Variants in UBXN2B observed in about 807,000 individuals in gnomAD.
The protein encoded by UBXN2B is UBX domain-containing protein 2B.
A neutral mutation model predicts 37.5 loss-of-function variants in UBXN2B; 19 were observed. The ratio of observed to expected loss-of-function variants is 0.51; its 90% CI spans 0.35 to 0.74. The LOEUF (loss-of-function observed/expected upper bound fraction) is 0.74. Among genes scored for constraint, UBXN2B ranks in the 30% least tolerant of loss-of-function variants. The pLI is 0.01. For synonymous variants in UBXN2B, 145 were observed against 143.8 expected (o/e 1.01, Z -0.06); for missense variants, 370 against 393.2 (o/e 0.94, Z 0.50).
At chr8:58,439,843 G>A in intron 6 of UBXN2B, 73 bp downstream of exon 6, 1 of 1,500,322 alleles carries the variant, frequency 6.7e-7, no homozygotes, top group East Asian at 2.3e-5. Context: ...AAAGCAAAAT[G>A]ACCTATGAAG....
At chr8:58,437,169 T>C (rs1164848222) in intron 5 of UBXN2B, among the ~76,000 whole-genome samples, 1 of 152,082 alleles carries the variant, frequency 6.6e-6, no homozygotes, top group Non-Finnish European at 1.5e-5. Flanking sequence ...AGTTCTCAGA[T>C]AGAAATGAGG....
Position 58,416,948 on chromosome 8 carries a change from T to G in UBXN2B, c.183T>G (p.Pro61=). Residue 61 remains proline (P), a synonymous_variant, in exon 2 of 8, where the codon CCT becomes CCG. Transcript: ENST00000399598. The part of the protein sequence containing the change: ...ATVFKSPRTP[P]QRFYSSEHEY... ...TCTTCAAGAGCCCACGGACACCACC[T>G]CAACGGTAAGTTTTATTTTGTTTTG... 6.3e-7 allele frequency: 1 copy of G among 1,594,720 alleles called. No homozygotes were observed. The highest frequency in any genetic ancestry group is 8.6e-7 in the Non-Finnish European group (1 of 1,169,110).
At chr8:58,441,348 C>CGTGTGTATATATATAT (rs1242681481) in intron 6 of UBXN2B, among the ~76,000 whole-genome samples, 1 of 104,660 alleles carries the variant, frequency 9.6e-6, no homozygotes. Context: ...TTGTGATCAA[C>CGTGTGTATATATATAT]ATATATATAT....
At chr8:58,430,775 T>C in intron 3 of UBXN2B, 106 bp downstream of exon 3, 4 of 888,106 alleles carry the variant, frequency 4.5e-6, no homozygotes, top group Non-Finnish European at 6.0e-6. Flanking sequence ...ATTTCTGTTT[T>C]AAATATTTGT....
chr8:58,439,286 T>C (rs1185864204), intron 5 of UBXN2B, among the ~76,000 whole-genome samples: 1 of 151,724 alleles, frequency 6.6e-6, no homozygotes, highest in Non-Finnish European at 1.5e-5. Context: ...CTCCGAGGAG[T>C]TTATTAATAA....
intron 3 of UBXN2B, among the ~76,000 whole-genome samples, chr8:58,431,047 C>CT (rs1378550762): frequency 6.6e-6 from 1 of 152,106 alleles, no homozygotes; most frequent in East Asian, 1.9e-4. Flanking sequence ...TGTCTATGTC[C>CT]TTTTATCACA....
chr8:58,412,293 A>G (rs751705701), intron 1 of UBXN2B, among the ~76,000 whole-genome samples: 6 of 152,238 alleles, frequency 3.9e-5, no homozygotes, highest in Non-Finnish European at 8.8e-5. Flanking sequence ...ATTGTAACAT[A>G]CTGCTGAGCT....
chr8:58,425,906 C>G, intron 2 of UBXN2B: 1 of 1,211,202 alleles, frequency 8.3e-7, no homozygotes, highest in Non-Finnish European at 1.2e-6. Context: ...TTTGTCATCA[C>G]TGGTGCGCAC....
chr8:58,440,962 G>A (rs543089988), intron 6 of UBXN2B, among the ~76,000 whole-genome samples: 35 of 149,948 alleles, frequency 2.3e-4, no homozygotes, highest in African/African-American at 6.8e-4. Context: ...TTTCTCCCTC[G>A]TCTCTCTTTA....
intron 2 of UBXN2B, among the ~76,000 whole-genome samples, chr8:58,422,483 C>T (rs1807954400): frequency 6.6e-6 from 1 of 152,206 alleles, no homozygotes; most frequent in Admixed American, 6.5e-5. Flanking sequence ...GAAATATCCA[C>T]ACTCGATGAT....
At chr8:58,424,986 TC>T in intron 2 of UBXN2B, 1 of 790,598 alleles carries the variant, frequency 1.3e-6, no homozygotes, top group Non-Finnish European at 2.3e-6. Context: ...TCCGGCCAAT[TC>T]CAGCACTGCC....
chr8:58,446,116 A>G, intron 7 of UBXN2B, 48 bp downstream of exon 7: 1 of 1,523,340 alleles, frequency 6.6e-7, no homozygotes, highest in South Asian at 1.3e-5. Context: ...TATACACTGG[A>G]TTGCTTATCT....
intron 2 of UBXN2B, among the ~76,000 whole-genome samples, chr8:58,423,812 G>A (rs1402713999): frequency 6.6e-6 from 1 of 151,730 alleles, no homozygotes; most frequent in Admixed American, 6.6e-5. Context: ...AAAAACACTG[G>A]TCATTCATAG....
chr8:58,411,923 T>C (rs1390930534), intron 1 of UBXN2B, among the ~76,000 whole-genome samples: 1 of 152,206 alleles, frequency 6.6e-6, no homozygotes, highest in Non-Finnish European at 1.5e-5. Flanking sequence ...TTCCATTTTA[T>C]CAGGTAGGTT....
rs951596908 is a variant in UBXN2B at position 58,451,350 on chromosome 8, C to A, written c.*3799C>A. 1 of 152,136 alleles carries A rather than the reference C, an allele frequency of 6.6e-6. No individual in the cohort carries two copies. Among genetic ancestry groups the A allele is most frequent in the African/African-American group, 2.4e-5 (1 of 41,442 alleles). The allele number at this position is 152,136 out of a possible 1,614,324, so 9.4% of individuals were successfully genotyped here. A position where few individuals can be genotyped will look rare whatever the true frequency, so the allele number is the denominator to read the frequency against. On this transcript the variant is annotated 3_prime_UTR_variant, in exon 8 of 8. Coordinates refer to ENST00000399598, the MANE Select transcript of UBXN2B (RefSeq NM_001077619.2). ...GAGTCATTTTCATGAATTATTTTTACTACTGCAGTCATCTTAAATTTATAA... is the reference window on the plus strand; with the variant it reads ...GAGTCATTTTCATGAATTATTTTTAATACTGCAGTCATCTTAAATTTATAA...
intron 4 of UBXN2B, among the ~76,000 whole-genome samples, chr8:58,434,194 A>G (rs1396373997): frequency 6.6e-6 from 1 of 152,202 alleles, no homozygotes; most frequent in Non-Finnish European, 1.5e-5. Flanking sequence ...AATGCAAACT[A>G]GCTAAACAAA....
At chr8:58,441,348 C>CGTGTGTATAT (rs1242681481) in intron 6 of UBXN2B, among the ~76,000 whole-genome samples, 2 of 104,660 alleles carry the variant, frequency 1.9e-5, no homozygotes, top group African/African-American at 8.0e-5. Flanking sequence ...TTGTGATCAA[C>CGTGTGTATAT]ATATATATAT....
rs148374867 is a variant in UBXN2B, at chr8:58,436,532, T to C, written c.533+2028T>C. On this transcript the variant is annotated intron_variant, in intron 5 of 7. Transcript: ENST00000399598. ...TGCTCACAGATCACACCATGATGTT[T>C]AGATGGTTTAGATGTTTTGTCCTCC... 3.8e-3 allele frequency among the ~76,000 whole-genome samples: 582 copies of C among 152,268 alleles called. 7 individuals carry two copies. The highest frequency in any genetic ancestry group is 0.013 in the African/African-American group (555 of 41,544).
At chr8:58,428,772 T>TATTGCA (rs1808172294) in intron 2 of UBXN2B, among the ~76,000 whole-genome samples, 1 of 152,208 alleles carries the variant, frequency 6.6e-6, no homozygotes, top group South Asian at 2.1e-4. Context: ...CTGCAATGGT[T>TATTGCA]AAGAGAGTAA....
Sources: gnomAD v4.1 joint callset for allele counts (sites outside exome capture counted in the v4.1 genomes callset) on GRCh38, gnomAD v4.1.1 for gene constraint, MANE v1.5 for transcripts, NCBI Gene and HGNC (gene_info 2026-07-23, HGNC 2026-07-21) for gene names.